The following RGPD4 variants were observed in gnomAD, a reference collection of about 807,000 sequenced individuals.
RGPD4 encodes the protein RANBP2 like and GRIP domain containing 4, also known as ranBP2-like and GRIP domain-containing protein 4.
Under a neutral mutation model 141.1 loss-of-function variants are expected in RGPD4, and 84 were observed. That is an observed-to-expected ratio of 0.60 (90% confidence interval 0.50 to 0.71). RGPD4 has a LOEUF of 0.71. Ranked by LOEUF, RGPD4 falls within the 30% of genes least tolerant of loss-of-function variation. The probability of loss-of-function intolerance (pLI) is 0.00; values close to 1 mark genes in which losing one functional copy is unlikely to be tolerated. For synonymous variants in RGPD4, 298 were observed against 566.8 expected, an observed-to-expected ratio of 0.53 and a Z score of 6.74; for missense variants, 918 against 1,622.4, an observed-to-expected ratio of 0.57 and a Z score of 7.46.
At chr2:107,878,103 C>T (rs1019186991) in intron 20 of RGPD4, among the ~76,000 whole-genome samples, 20 of 151,154 alleles carry the variant, frequency 1.3e-4, no homozygotes, top group South Asian at 2.1e-4. Context: ...TGAGCCACCA[C>T]GCCCGGCCTT....
At chr2:107,888,426 G>A (rs2104524041) in intron 22 of RGPD4, among the ~76,000 whole-genome samples, 1 of 151,422 alleles carries the variant, frequency 6.6e-6, no homozygotes, top group Non-Finnish European at 1.5e-5. Flanking sequence ...CTTTATTCCT[G>A]GGAACAAGGT....
In RGPD4 at chr2:107,827,033, A is replaced by G. The variant is rs761067401; in HGVS notation, c.20A>G (p.Tyr7Cys). The G allele has an allele frequency of 2.5e-6, 4 of 1,599,936 alleles. No individual in the cohort carries two copies. Among genetic ancestry groups the G allele is most frequent in the South Asian group, 2.3e-5 (2 of 88,300 alleles). The change falls in exon 1 of 23, where the codon TAC becomes TGC. Residue 7 changes from tyrosine (Y) to cysteine (C), a missense_variant. Transcript: ENST00000408999. ...GGCGCGATGAGTTGCAGCAAGGCCT[A>G]CGGGGAGCGGTACGTCGCCTCCGTG... Reference protein sequence around the residue: MSCSKAYGERYVASVQG... With the variant: MSCSKACGERYVASVQG...
At chr2:107,870,097 A>C (rs1682853823) in intron 19 of RGPD4, 120 bp downstream of exon 19, 1 of 550,662 alleles carries the variant, frequency 1.8e-6, no homozygotes, top group Non-Finnish European at 2.9e-6. Flanking sequence ...TAAAATGTAG[A>C]TATTTTAAAT....
Position 107,871,224 on chromosome 2 carries a change from G to A in RGPD4, c.3220G>A (p.Val1074Ile), listed in dbSNP as rs2919157. ...GVKLFRFDAE[V>I]RQWKERGLGN... ...AAAACTATTTAGATTTGATGCTGAG[G>A]TAAGGCAGTGGAAAGAAAGGGGCTT... The change falls in exon 20 of 23, where the codon GTA becomes ATA. Residue 1074 changes from valine (V) to isoleucine (I), a missense_variant. By Grantham distance (29) the Val-to-Ile change is conservative. Coordinates refer to ENST00000408999, the MANE Select transcript of RGPD4 (RefSeq NM_182588.3). The A allele has an allele frequency of 1.2e-6, 2 of 1,609,384 alleles. No individual in the cohort carries two copies. Among genetic ancestry groups the A allele is most frequent in the Non-Finnish European group, 8.5e-7 (1 of 1,179,624 alleles).
intron 17 of RGPD4, among the ~76,000 whole-genome samples, chr2:107,865,865 T>C (rs1218677582): frequency 3.5e-5 from 5 of 143,676 alleles, no homozygotes; most frequent in Admixed American, 2.8e-4. Flanking sequence ...AGGTCAGGAG[T>C]TCAAGACTAG....
At chr2:107,880,265 T>TTTTA (rs1218418176) in intron 21 of RGPD4, among the ~76,000 whole-genome samples, 158 bp downstream of exon 21, 2 of 123,612 alleles carry the variant, frequency 1.6e-5, no homozygotes, top group African/African-American at 6.5e-5. Flanking sequence ...TTGCCTTTTT[T>TTTTA]TTTTTTTTTT....
At chr2:107,844,830 G>GTTTTTTTTTTTTTTTTTT (rs1222283120) in intron 6 of RGPD4, among the ~76,000 whole-genome samples, 2 of 26,174 alleles carry the variant, frequency 7.6e-5, no homozygotes, top group Non-Finnish European at 1.4e-4. Flanking sequence ...TTTCTTTTTT[G>GTTTTTTTTTTTTTTTTTT]TTTTTTTTTT....
At chr2:107,854,346 G>T (rs1185333882) in intron 7 of RGPD4, among the ~76,000 whole-genome samples, 2 of 151,846 alleles carry the variant, frequency 1.3e-5, no homozygotes, top group Non-Finnish European at 1.5e-5. Context: ...GGGATTACAG[G>T]TGTGAGCCAC....
intron 17 of RGPD4, among the ~76,000 whole-genome samples, chr2:107,863,685 G>T (rs1682635159): frequency 6.6e-6 from 1 of 151,696 alleles, no homozygotes; most frequent in South Asian, 2.1e-4. Flanking sequence ...TAGACACAGA[G>T]TTTCACCATG....
Position 107,871,368 on chromosome 2 carries a change from C to A in RGPD4, c.3364C>A (p.Pro1122Thr), listed in dbSNP as rs749309410. 1.6e-5 allele frequency: 17 copies of A among 1,083,464 alleles called. 4 individuals carry two copies. In the South Asian group the frequency reaches 2.3e-4, roughly 15 times the overall value. 67.1% of individuals were successfully genotyped at this position (1,083,464 alleles called of 1,614,324 possible). Residue 1122 changes from proline to threonine, a missense_variant, in exon 20 of 23, where the codon CCC (proline) becomes ACC (threonine). Transcript: ENST00000408999. The stretch of plus-strand genomic sequence containing the variant: ...GATAACGACTACAATGAACCTGAAG[C>A]CCCTGTCTGGATCAGATAGAGCATG... The part of the protein sequence containing the change: ...HWITTTMNLK[P>T]LSGSDRAWMW...
chr2:107,881,104 G>C (rs1675350654), intron 21 of RGPD4, among the ~76,000 whole-genome samples: 1 of 149,870 alleles, frequency 6.7e-6, no homozygotes. Context: ...TAATAGATCT[G>C]TCCTGCCACT....
At chr2:107,873,602 A>G (rs959762010) in intron 20 of RGPD4, among the ~76,000 whole-genome samples, 2 of 140,462 alleles carry the variant, frequency 1.4e-5, no homozygotes, top group African/African-American at 5.4e-5. Flanking sequence ...AAAAAAAAAT[A>G]TGATATTGAG....
chr2:107,829,796 C>A lies in RGPD4; in HGVS notation c.72+2711C>A, dbSNP rs569372285. ...GCTCCTGGGCCCGTCCTGGCCCGGG[C>A]TTTCTGGCCCCGTAGTACCCGCGCA... On this transcript the variant is annotated intron_variant, in intron 1 of 22. Transcript: ENST00000408999. Among the ~76,000 whole-genome samples the A allele has an allele frequency of 2.0e-5, 3 of 152,254 alleles. No homozygotes were observed. The South Asian group carries it at 6.2e-4, about 32-fold the overall frequency.
rs749458738 is a variant in RGPD4 at position 107,859,727 on chromosome 2, G to A, written c.1640G>A (p.Gly547Glu). ...CTLIHRKAVP[G>E]NSAKLRLLVQ... The stretch of plus-strand genomic sequence containing the variant: ...TAAATTGAACTATTTTTTAGACCTG[G>A]AAACTCAGCAAAATTGAGACTTTTA... The change falls in exon 12 of 23, where the codon GGA becomes GAA. Residue 547 changes from glycine to glutamate, a missense_variant. Gly to Glu is a moderately conservative substitution (Grantham distance 98). Coordinates refer to ENST00000408999, the MANE Select transcript of RGPD4 (RefSeq NM_182588.3). 1.9e-6 allele frequency: 3 copies of A among 1,611,148 alleles called. No individual in the cohort carries two copies. In the South Asian group the frequency reaches 3.3e-5, roughly 18 times the overall value.
intron 7 of RGPD4, among the ~76,000 whole-genome samples, 177 bp from the exon 8 acceptor site, chr2:107,854,379 T>C (rs1459410171): frequency 2.6e-5 from 4 of 151,988 alleles, no homozygotes; most frequent in Non-Finnish European, 5.9e-5. Flanking sequence ...TGGCCTATCT[T>C]TCATAGGTTA....
intron 6 of RGPD4, among the ~76,000 whole-genome samples, chr2:107,844,830 G>GTTTTTTTTTTTTTTTTTTTTTTTT (rs1222283120): frequency 7.6e-5 from 2 of 26,176 alleles, no homozygotes; most frequent in Non-Finnish European, 1.4e-4. Context: ...TTTCTTTTTT[G>GTTTTTTTTTTTTTTTTTTTTTTTT]TTTTTTTTTT....
At chr2:107,844,819 C>CT (rs1558794972) in intron 6 of RGPD4, among the ~76,000 whole-genome samples, 1 of 62,246 alleles carries the variant, frequency 1.6e-5, no homozygotes, top group African/African-American at 5.7e-5. Flanking sequence ...TTCTTTCTTT[C>CT]TTTCTTTTTT....
At position 107,827,035 on chromosome 2, in the gene RGPD4, G is replaced by C. The variant is rs373037044; in HGVS notation, c.22G>C (p.Gly8Arg). Residue 8 changes from glycine to arginine, a missense_variant, in exon 1 of 23, where the codon GGG (glycine) becomes CGG (arginine). By Grantham distance (125) the Gly-to-Arg change is moderately radical. Coordinates refer to ENST00000408999, the MANE Select transcript of RGPD4 (RefSeq NM_182588.3). Reference sequence around the variant, plus strand: ...CGCGATGAGTTGCAGCAAGGCCTACGGGGAGCGGTACGTCGCCTCCGTGCA... The same window carrying C: ...CGCGATGAGTTGCAGCAAGGCCTACCGGGAGCGGTACGTCGCCTCCGTGCA... MSCSKAY[G>R]ERYVASVQGS... The C allele has an allele frequency of 7.6e-5, 122 of 1,599,690 alleles. No individual in the cohort carries two copies. The highest frequency in any genetic ancestry group is 2.8e-4 in the African/African-American group (21 of 74,648).
intron 22 of RGPD4, among the ~76,000 whole-genome samples, chr2:107,885,700 C>T (rs1353453728): frequency 6.6e-6 from 1 of 152,058 alleles, no homozygotes; most frequent in Non-Finnish European, 1.5e-5. Context: ...GACCTTATTA[C>T]AATTAAAAAC....
Sources: gnomAD v4.1 joint callset for allele counts (sites outside exome capture counted in the v4.1 genomes callset) on GRCh38, gnomAD v4.1.1 for gene constraint, MANE v1.5 for transcripts, NCBI Gene and HGNC (gene_info 2026-07-23, HGNC 2026-07-21) for gene names.